C6orf163: variants seen among roughly 807,000 people sequenced by gnomAD.
C6orf163 encodes the protein uncharacterized protein C6orf163.
C6orf163 carries 22 observed loss-of-function variants against 28.4 expected under a neutral mutation model. The ratio of observed to expected loss-of-function variants is 0.78; its 90% CI spans 0.55 to 1.11. C6orf163 has a LOEUF of 1.11. C6orf163 is among the 50% of genes least tolerant of loss of function. The pLI, the probability that C6orf163 is intolerant of heterozygous loss-of-function variation, is 0.00. For synonymous variants in C6orf163, 110 were observed against 123.6 expected (o/e 0.89, Z 0.73); for missense variants, 342 against 389.1 (o/e 0.88, Z 1.02).
chr6:87,353,511 C>T (rs1051612014), intron 3 of C6orf163, among the ~76,000 whole-genome samples: 2 of 151,748 alleles, frequency 1.3e-5, no homozygotes, highest in African/African-American at 4.8e-5. Flanking sequence ...CTTACACCAC[C>T]CTATTGACAC....
chr6:87,365,208 C>A lies in C6orf163; in HGVS notation c.802C>A (p.Leu268Met). 6.4e-7 allele frequency: 1 copy of A among 1,551,766 alleles called. No individual in the cohort carries two copies. The highest frequency in any genetic ancestry group is 8.7e-7 in the Non-Finnish European group (1 of 1,147,004). ...GGAGCTGCTGTCTATAGCAAAACAA[C>A]TGGGAATCATGACAAATTGGAAAGA... Reference protein sequence around the residue: ...QGELLSIAKQLGIMTNWKDFL... With the variant: ...QGELLSIAKQMGIMTNWKDFL... Residue 268 changes from leucine (L) to methionine (M), a missense_variant, in exon 5 of 5, where the codon CTG becomes ATG. Coordinates refer to ENST00000388923, the MANE Select transcript of C6orf163 (RefSeq NM_001010868.3).
At chr6:87,362,856 A>G (rs902641986) in intron 4 of C6orf163, among the ~76,000 whole-genome samples, 1 of 152,136 alleles carries the variant, frequency 6.6e-6, no homozygotes, top group African/African-American at 2.4e-5. Flanking sequence ...ATTAACAGCC[A>G]TACATTTGAG....
intron 1 of C6orf163, among the ~76,000 whole-genome samples, chr6:87,346,770 A>G (rs1777330538): frequency 6.6e-6 from 1 of 152,170 alleles, no homozygotes; most frequent in African/African-American, 2.4e-5. Context: ...CTAAATTAGG[A>G]CCTCTACGGT....
chr6:87,359,841 A>C (rs1178501358), intron 4 of C6orf163, among the ~76,000 whole-genome samples: 1 of 152,258 alleles, frequency 6.6e-6, no homozygotes, highest in Non-Finnish European at 1.5e-5. Flanking sequence ...TGTGTATTTC[A>C]AAATTACAAG....
chr6:87,360,368 G>C (rs1238806180), intron 4 of C6orf163, among the ~76,000 whole-genome samples: 3 of 150,470 alleles, frequency 2.0e-5, no homozygotes, highest in African/African-American at 4.9e-5. Flanking sequence ...CAAATATTTC[G>C]CTTATGTTAA....
At chr6:87,354,306 T>C (rs1405772338) in intron 3 of C6orf163, among the ~76,000 whole-genome samples, 1 of 152,206 alleles carries the variant, frequency 6.6e-6, no homozygotes, top group Admixed American at 6.5e-5. Flanking sequence ...AAAATTTGAT[T>C]TGATACCTAC....
chr6:87,358,898 G>A (rs9353480), intron 4 of C6orf163, among the ~76,000 whole-genome samples: 19,143 of 152,064 alleles, frequency 0.13, 1,319 homozygotes, highest in African/African-American at 0.17. Flanking sequence ...GAGGTGACAG[G>A]GCCTGATTTG....
At chr6:87,351,518 G>A (rs1228358649) in intron 3 of C6orf163, among the ~76,000 whole-genome samples, 1 of 152,184 alleles carries the variant, frequency 6.6e-6, no homozygotes, top group Non-Finnish European at 1.5e-5. Context: ...TCCCTGCTTC[G>A]CTCCAGTGGC....
chr6:87,364,113 A>G (rs1057136487), intron 4 of C6orf163, among the ~76,000 whole-genome samples: 4 of 152,050 alleles, frequency 2.6e-5, no homozygotes, highest in Middle Eastern at 3.2e-3. Context: ...GTAAAATCCC[A>G]TCTCTACTAA....
At chr6:87,360,474 G>A (rs1208027030) in intron 4 of C6orf163, among the ~76,000 whole-genome samples, 1 of 145,220 alleles carries the variant, frequency 6.9e-6, no homozygotes, top group Admixed American at 7.2e-5. Flanking sequence ...TCTGCTCACT[G>A]CAGCCTCCAC....
intron 4 of C6orf163, chr6:87,357,152 G>A (rs1409269718): frequency 7.9e-5 from 12 of 152,318 alleles, no homozygotes; most frequent in Admixed American, 6.5e-5. Context: ...ACAGCCATAT[G>A]TATGTGCATA....
At chr6:87,347,781 C>T in intron 1 of C6orf163, 1 of 985,550 alleles carries the variant, frequency 1.0e-6, no homozygotes, top group Non-Finnish European at 1.2e-6. Flanking sequence ...TTTACTGCTG[C>T]AGCTAGACTT....
chr6:87,364,146 G>A (rs550028281), intron 4 of C6orf163, among the ~76,000 whole-genome samples: 5 of 152,156 alleles, frequency 3.3e-5, no homozygotes, highest in East Asian at 3.9e-4. Context: ...TTAGCTGGGT[G>A]TAGTCGTGCA....
intron 4 of C6orf163, among the ~76,000 whole-genome samples, chr6:87,360,169 T>G (rs1198230265): frequency 1.3e-5 from 2 of 152,166 alleles, no homozygotes; most frequent in East Asian, 3.8e-4. Flanking sequence ...GGAGAGAGAT[T>G]ATGTCCAAGA....
chr6:87,346,794 G>T (rs1490485883), intron 1 of C6orf163, among the ~76,000 whole-genome samples: 2 of 149,532 alleles, frequency 1.3e-5, no homozygotes, highest in Non-Finnish European at 3.0e-5. Context: ...GACTAAGCAT[G>T]TGTATTTTTT....
In C6orf163 at chr6:87,350,516, T is replaced by G. The variant is rs1287158015; in HGVS notation, c.351+15T>G. The G allele has an allele frequency of 1.3e-5, 18 of 1,371,440 alleles. No homozygotes were observed. The highest frequency in any genetic ancestry group is 1.5e-5 in the Non-Finnish European group (15 of 1,008,808). The allele number at this position is 1,371,440 out of a possible 1,614,324, so 85.0% of individuals were successfully genotyped here. On this transcript the variant is annotated intron_variant, in intron 3 of 4. Transcript: ENST00000388923. ...AAGATTTACAGGTTTTTATAGTGGC[T>G]TATTTGTTGTCTTTTAAAAGTAATT...
Position 87,349,007 on chromosome 6 carries a change from G to A in C6orf163, c.243+101G>A, listed in dbSNP as rs945792731. ...TATAGTGTAGTAGTCAGAACTGACTGAATCCTGGCTAGCTGTGGGACATTG... is the reference window on the plus strand; with the variant it reads ...TATAGTGTAGTAGTCAGAACTGACTAAATCCTGGCTAGCTGTGGGACATTG... On this transcript the variant is annotated intron_variant, in intron 2 of 4. Transcript: ENST00000388923. 2.1e-6 allele frequency: 3 copies of A among 1,404,516 alleles called. No individual in the cohort carries two copies. In the South Asian group the frequency reaches 4.4e-5, roughly 21 times the overall value. 87.0% of individuals were successfully genotyped at this position (1,404,516 alleles called of 1,614,324 possible).
intron 4 of C6orf163, among the ~76,000 whole-genome samples, chr6:87,360,398 ATT>A (rs10625675): frequency 0.13 from 17,943 of 138,002 alleles, 1,177 homozygotes; most frequent in African/African-American, 0.17. Flanking sequence ...TTAAGCATGA[ATT>A]TTTTTTTTTT....
chr6:87,352,473 T>A (rs1202060761), intron 3 of C6orf163, among the ~76,000 whole-genome samples: 3 of 152,206 alleles, frequency 2.0e-5, no homozygotes, highest in African/African-American at 7.2e-5. Flanking sequence ...CAGGTATTAC[T>A]CTTACGTGAT....
Sources: gnomAD v4.1 joint callset for allele counts (sites outside exome capture counted in the v4.1 genomes callset) on GRCh38, gnomAD v4.1.1 for gene constraint, MANE v1.5 for transcripts, NCBI Gene and HGNC (gene_info 2026-07-23, HGNC 2026-07-21) for gene names.